SLIT3: variants seen among roughly 807,000 people sequenced by gnomAD.
SLIT3 encodes slit homolog 3 protein.
SLIT3 carries 68 observed loss-of-function variants against 184.0 expected under a neutral mutation model. The ratio of observed to expected loss-of-function variants is 0.37; its 90% CI spans 0.30 to 0.45. The LOEUF is 0.45. SLIT3 is among the 20% of genes least tolerant of loss of function. The pLI, the probability that SLIT3 is intolerant of heterozygous loss-of-function variation, is 1.00. For missense variants in SLIT3, 1,707 were observed against 2,026.0 expected (o/e 0.84, Z 3.02); for synonymous variants, 831 against 828.6 (o/e 1.00, Z -0.05).
At chr5:168,950,775 C>T (rs1762625637) in intron 4 of SLIT3, among the ~76,000 whole-genome samples, 1 of 152,206 alleles carries the variant, frequency 6.6e-6, no homozygotes, top group African/African-American at 2.4e-5. Flanking sequence ...ATGTTTTTAC[C>T]TCAGACTCAC....
chr5:168,908,727 T>C (rs992995254), intron 4 of SLIT3, among the ~76,000 whole-genome samples: 17 of 152,184 alleles, frequency 1.1e-4, no homozygotes, highest in Admixed American at 9.8e-4. Flanking sequence ...ACAGAACTCC[T>C]TTATCCTGAA....
At chr5:169,224,198 C>A (rs779927432) in intron 3 of SLIT3, among the ~76,000 whole-genome samples, 1 of 151,734 alleles carries the variant, frequency 6.6e-6, no homozygotes, top group African/African-American at 2.4e-5. Context: ...CATAGAGTAA[C>A]GGTAAGAATT....
intron 4 of SLIT3, among the ~76,000 whole-genome samples, chr5:168,888,982 C>T (rs544706811): frequency 6.6e-6 from 1 of 152,186 alleles, no homozygotes; most frequent in Non-Finnish European, 1.5e-5. Context: ...TTCCTGTACT[C>T]TCAATACTAC....
intron 4 of SLIT3, among the ~76,000 whole-genome samples, chr5:168,964,431 G>A (rs370544856): frequency 6.6e-6 from 1 of 152,132 alleles, no homozygotes; most frequent in African/African-American, 2.4e-5. Context: ...AGAAAGCCTG[G>A]GGCATAGTTT....
At chr5:169,134,618 G>A (rs1761432093) in intron 4 of SLIT3, among the ~76,000 whole-genome samples, 1 of 152,334 alleles carries the variant, frequency 6.6e-6, no homozygotes, top group Non-Finnish European at 1.5e-5. Flanking sequence ...GGGGCTGGGG[G>A]AGGGATAGCA....
chr5:169,229,607 G>A (rs1764925528), intron 3 of SLIT3, among the ~76,000 whole-genome samples: 1 of 151,556 alleles, frequency 6.6e-6, no homozygotes, highest in Admixed American at 6.6e-5. Context: ...AAGCCAATGA[G>A]TAAAAATGTA....
At chr5:168,774,721 G>GAA (rs142417613) in intron 12 of SLIT3, among the ~76,000 whole-genome samples, 1 of 151,800 alleles carries the variant, frequency 6.6e-6, no homozygotes, top group South Asian at 2.1e-4. Context: ...AATTGGAAAG[G>GAA]AAAAAAAATC....
chr5:169,134,995 C>G (rs951395436), intron 4 of SLIT3, among the ~76,000 whole-genome samples: 3 of 152,232 alleles, frequency 2.0e-5, no homozygotes, highest in African/African-American at 7.2e-5. Flanking sequence ...ATAGTAGCTG[C>G]TCTATAAATA....
At chr5:169,219,371 G>A (rs538650527) in intron 3 of SLIT3, among the ~76,000 whole-genome samples, 1 of 152,332 alleles carries the variant, frequency 6.6e-6, no homozygotes, top group African/African-American at 2.4e-5. Context: ...AGAAGGTGCA[G>A]ACCATTATTA....
At chr5:168,933,570 G>A (rs1762064557) in intron 4 of SLIT3, among the ~76,000 whole-genome samples, 1 of 152,162 alleles carries the variant, frequency 6.6e-6, no homozygotes. Context: ...AACAGCCAGA[G>A]GAGGTAAGAA....
At chr5:168,778,301 G>A (rs557115828) in intron 12 of SLIT3, among the ~76,000 whole-genome samples, 1 of 152,222 alleles carries the variant, frequency 6.6e-6, no homozygotes, top group East Asian at 1.9e-4. Flanking sequence ...CTCAACCAAG[G>A]TCCCCCAGCA....
chr5:168,668,701 G>A (rs1001150306), intron 35 of SLIT3, among the ~76,000 whole-genome samples: 13 of 152,198 alleles, frequency 8.5e-5, no homozygotes, highest in East Asian at 1.9e-4. Flanking sequence ...CTTGCACCTC[G>A]GCCTCCCAAA....
chr5:169,065,604 T>C (rs1758325816), intron 4 of SLIT3, among the ~76,000 whole-genome samples: 1 of 152,186 alleles, frequency 6.6e-6, no homozygotes, highest in South Asian at 2.1e-4. Context: ...ATCCTGCTCA[T>C]TGCTAAGGAA....
rs773007863 is a variant in SLIT3 at position 168,671,265 on chromosome 5, C to T, written c.4060G>A (p.Glu1354Lys). 17 of 1,613,462 alleles carry T rather than the reference C, an allele frequency of 1.1e-5. No individual in the cohort carries two copies. Among genetic ancestry groups the T allele is most frequent in the East Asian group, 2.2e-5 (1 of 44,888 alleles). ...GGGCCGGTCCAGCCTGGGCGGCACTCGCACACCACGCTGTCCTTCTCCACG... is the reference window on the plus strand; with the variant it reads ...GGGCCGGTCCAGCCTGGGCGGCACTTGCACACCACGCTGTCCTTCTCCACG... ...RSVEKDSVVC[E>K]CRPGWTGPLC... The change falls in exon 34 of 36, where the codon GAG (glutamate) becomes AAG (lysine). Residue 1354 changes from glutamate (E) to lysine (K), a missense_variant. By Grantham distance (56) the Glu-to-Lys change is moderately conservative (BLOSUM62 1). This residue lies in a region of SLIT3 where 387 missense variants were observed against 477.9 expected (regional missense o/e 0.81). Coordinates refer to ENST00000519560, the MANE Select transcript of SLIT3 (RefSeq NM_003062.4).
At position 168,678,584 on chromosome 5, in the gene SLIT3, G is replaced by A. The variant is rs1018541723; in HGVS notation, c.3687-5253C>T. ...TGTAGTCTCAGCTACTCGGGAGGCTGAGGCAGGAGAATCACCTGAACCCAG... is the reference window on the plus strand; with the variant it reads ...TGTAGTCTCAGCTACTCGGGAGGCTAAGGCAGGAGAATCACCTGAACCCAG... On this transcript the variant is annotated intron_variant, in intron 32 of 35. Transcript: ENST00000519560. 2.1e-4 allele frequency among the ~76,000 whole-genome samples: 32 copies of A among 152,206 alleles called. No homozygotes were observed. The Middle Eastern group carries it at 0.017, about 81-fold the overall frequency.
At chr5:169,082,783 A>G (rs988235881) in intron 4 of SLIT3, among the ~76,000 whole-genome samples, 1 of 152,212 alleles carries the variant, frequency 6.6e-6, no homozygotes, top group African/African-American at 2.4e-5. Flanking sequence ...GCCATTGTTT[A>G]TCTTTCGACC....
In SLIT3 at chr5:169,257,391, C is replaced by A. The variant is rs368428310; in HGVS notation, c.198-5932G>T. The stretch of plus-strand genomic sequence containing the variant: ...CCCACCCCAACCTCCCCGCCCCCAC[C>A]CCGCCCCACAACCATTTACACACAT... On this transcript the variant is annotated intron_variant, in intron 1 of 35. Coordinates refer to ENST00000519560, the MANE Select transcript of SLIT3 (RefSeq NM_003062.4). 6.0e-5 allele frequency among the ~76,000 whole-genome samples: 9 copies of A among 149,712 alleles called. No individual in the cohort carries two copies. In the East Asian group the frequency reaches 1.2e-3, roughly 20 times the overall value.
At chr5:169,167,950 A>G (rs1280183667) in intron 4 of SLIT3, among the ~76,000 whole-genome samples, 1 of 152,238 alleles carries the variant, frequency 6.6e-6, no homozygotes, top group Admixed American at 6.5e-5. Flanking sequence ...CTCCTCCTGA[A>G]GGAAGGTACA....
chr5:168,852,642 A>G (rs1191668649), intron 5 of SLIT3, among the ~76,000 whole-genome samples: 1 of 152,232 alleles, frequency 6.6e-6, no homozygotes, highest in Non-Finnish European at 1.5e-5. Context: ...CACATAGATC[A>G]CTCATCAAGA....
Sources: gnomAD v4.1 joint callset for allele counts (sites outside exome capture counted in the v4.1 genomes callset) on GRCh38, gnomAD v4.1.1 for gene constraint, gnomAD v4.1.1 regional missense constraint, MANE v1.5 for transcripts, NCBI Gene and HGNC (gene_info 2026-07-23, HGNC 2026-07-21) for gene names.